The following PIP5K1B variants were observed in gnomAD, a reference collection of about 807,000 sequenced individuals.
PIP5K1B encodes phosphatidylinositol-4-phosphate 5-kinase type 1 beta.
In PIP5K1B, 42 loss-of-function variants were observed where a neutral mutation model predicts 67.0. The ratio of observed to expected loss-of-function variants is 0.63; its 90% CI spans 0.49 to 0.81. PIP5K1B has a LOEUF of 0.81. PIP5K1B is among the 30% of genes least tolerant of loss of function. The pLI is 0.00. For missense variants in PIP5K1B, 459 were observed against 646.3 expected, an observed-to-expected ratio of 0.71 and a Z score of 3.14; for synonymous variants, 214 against 231.4, an observed-to-expected ratio of 0.92 and a Z score of 0.68.
At chr9:68,880,961 A>G (rs550057639) in intron 6 of PIP5K1B, among the ~76,000 whole-genome samples, 2 of 152,292 alleles carry the variant, frequency 1.3e-5, no homozygotes, top group Admixed American at 6.5e-5. Flanking sequence ...TAGATGAGGA[A>G]AGGGTCGTTT....
intron 6 of PIP5K1B, among the ~76,000 whole-genome samples, chr9:68,879,637 C>CTA (rs1286469967): frequency 6.6e-6 from 1 of 151,970 alleles, no homozygotes; most frequent in Non-Finnish European, 1.5e-5. Context: ...TACAGGAGAT[C>CTA]TATTCTACAT....
At chr9:68,865,954 A>C (rs1456937885) in intron 5 of PIP5K1B, among the ~76,000 whole-genome samples, 1 of 152,240 alleles carries the variant, frequency 6.6e-6, no homozygotes, top group Non-Finnish European at 1.5e-5. Flanking sequence ...CTTACAACTA[A>C]TAAAACTCAA....
chr9:68,980,579 C>T (rs374168240), intron 14 of PIP5K1B, among the ~76,000 whole-genome samples: 1 of 152,206 alleles, frequency 6.6e-6, no homozygotes, highest in Admixed American at 6.5e-5. Context: ...GAGCTTTACC[C>T]TCTCTTGGCC....
At chr9:68,905,921 T>A (rs1436455975) in intron 8 of PIP5K1B, among the ~76,000 whole-genome samples, 1 of 152,188 alleles carries the variant, frequency 6.6e-6, no homozygotes, top group Non-Finnish European at 1.5e-5. Context: ...TTCATCCCTG[T>A]CAGTATCAGT....
chr9:68,798,051 G>GT (rs966397408), intron 2 of PIP5K1B, among the ~76,000 whole-genome samples: 1 of 151,478 alleles, frequency 6.6e-6, no homozygotes, highest in East Asian at 1.9e-4. Context: ...ATCCATGGTG[G>GT]TTTTTTTTCA....
chr9:68,955,074 T>G (rs1828315983), intron 14 of PIP5K1B, among the ~76,000 whole-genome samples: 1 of 152,186 alleles, frequency 6.6e-6, no homozygotes, highest in Non-Finnish European at 1.5e-5. Flanking sequence ...CAGACAGAGT[T>G]AGGAAAAATG....
At chr9:68,797,785 CCA>C (rs1832374795) in intron 2 of PIP5K1B, among the ~76,000 whole-genome samples, 1 of 152,040 alleles carries the variant, frequency 6.6e-6, no homozygotes. Flanking sequence ...AATTAATACT[CCA>C]AAATGTGATA....
chr9:68,973,724 C>G (rs1178010201), intron 14 of PIP5K1B, among the ~76,000 whole-genome samples: 1 of 152,104 alleles, frequency 6.6e-6, no homozygotes, highest in African/African-American at 2.4e-5. Context: ...CATATCTGAC[C>G]TAAGGGTGGA....
intron 15 of PIP5K1B, among the ~76,000 whole-genome samples, chr9:69,003,106 G>A (rs1257969430): frequency 6.6e-6 from 1 of 152,056 alleles, no homozygotes; most frequent in Non-Finnish European, 1.5e-5. Flanking sequence ...CCTTAATATG[G>A]ATTTGTGGTG....
At chr9:68,889,630 G>A (rs1824665346) in intron 7 of PIP5K1B, among the ~76,000 whole-genome samples, 1 of 151,726 alleles carries the variant, frequency 6.6e-6, no homozygotes, top group Non-Finnish European at 1.5e-5. Flanking sequence ...AGCTACTCAG[G>A]AGGCTGAGGC....
intron 2 of PIP5K1B, among the ~76,000 whole-genome samples, chr9:68,805,212 G>A (rs1467910439): frequency 6.6e-6 from 1 of 152,206 alleles, no homozygotes; most frequent in Admixed American, 6.5e-5. Context: ...AGCATGTGGG[G>A]CGCAGGGGGC....
chr9:68,974,211 G>A (rs1473256722), intron 14 of PIP5K1B, among the ~76,000 whole-genome samples: 1 of 152,182 alleles, frequency 6.6e-6, no homozygotes, highest in Admixed American at 6.5e-5. Context: ...CTGGTCCTCA[G>A]TCATTCTTAG....
intron 6 of PIP5K1B, among the ~76,000 whole-genome samples, chr9:68,885,724 A>T (rs116872487): frequency 0.019 from 2,869 of 152,304 alleles, 49 homozygotes; most frequent in South Asian, 0.046. Flanking sequence ...CAAACTGCCT[A>T]TTGGGTACAA....
intron 15 of PIP5K1B, among the ~76,000 whole-genome samples, chr9:69,005,706 G>A (rs1831047292): frequency 2.0e-5 from 3 of 152,056 alleles, no homozygotes; most frequent in African/African-American, 7.3e-5. Flanking sequence ...ATGGGATCTT[G>A]TGGTTGAAAC....
chr9:68,804,630 C>T (rs533589228), intron 2 of PIP5K1B, among the ~76,000 whole-genome samples: 3 of 142,776 alleles, frequency 2.1e-5, no homozygotes, highest in Admixed American at 1.4e-4. Flanking sequence ...CTCACTCTGT[C>T]ATTCAGGATG....
At chr9:68,990,463 T>C (rs945793628) in intron 14 of PIP5K1B, among the ~76,000 whole-genome samples, 6 of 151,744 alleles carry the variant, frequency 4.0e-5, no homozygotes, top group African/African-American at 1.5e-4. Context: ...AAGGTTATCT[T>C]TTGTAAACTA....
chr9:68,885,166 T>C (rs1173866469), intron 6 of PIP5K1B, among the ~76,000 whole-genome samples: 3 of 152,198 alleles, frequency 2.0e-5, no homozygotes, highest in Non-Finnish European at 4.4e-5. Flanking sequence ...ACAGCATGGA[T>C]GATCATAGAG....
intron 4 of PIP5K1B, among the ~76,000 whole-genome samples, chr9:68,829,352 G>A (rs1834162065): frequency 6.6e-6 from 1 of 152,188 alleles, no homozygotes; most frequent in Non-Finnish European, 1.5e-5. Flanking sequence ...TCTCTAGGAT[G>A]AATGACCCTT....
At chr9:68,831,803 G>A (rs1834337161) in intron 4 of PIP5K1B, among the ~76,000 whole-genome samples, 2 of 152,092 alleles carry the variant, frequency 1.3e-5, no homozygotes, top group Non-Finnish European at 2.9e-5. Context: ...AGCCTCCTGA[G>A]TAGCTGGGAT....
Sources: gnomAD v4.1 joint callset for allele counts (sites outside exome capture counted in the v4.1 genomes callset) on GRCh38, gnomAD v4.1.1 for gene constraint, MANE v1.5 for transcripts, NCBI Gene and HGNC (gene_info 2026-07-23, HGNC 2026-07-21) for gene names.